Variants in LPP observed in about 807,000 individuals in gnomAD.
LPP encodes the protein LIM domain containing preferred translocation partner in lipoma, also known as lipoma-preferred partner.
LPP carries 38 observed loss-of-function variants against 60.4 expected under a neutral mutation model. That is an observed-to-expected ratio of 0.63 (90% CI 0.49 to 0.83). The LOEUF (loss-of-function observed/expected upper bound fraction) is 0.83, where lower values mean the gene tolerates loss of function less well. Among genes scored for constraint, LPP ranks in the 40% least tolerant of loss-of-function variants. LPP has a pLI of 0.00. For synonymous variants in LPP, 328 were observed against 290.8 expected (o/e 1.13, Z -1.30); for missense variants, 902 against 783.6 (o/e 1.15, Z -1.80).
At chr3:188,239,185 C>T (rs1164605427) in intron 2 of LPP, among the ~76,000 whole-genome samples, 1 of 152,230 alleles carries the variant, frequency 6.6e-6, no homozygotes, top group African/African-American at 2.4e-5. Context: ...TTTCTCTGCC[C>T]CTGCGGCAGG....
rs975594767 is a variant in LPP at position 188,583,991 on chromosome 3, T to C, written c.430-25170T>C. 2.0e-5 allele frequency among the ~76,000 whole-genome samples: 3 copies of C among 152,212 alleles called. No homozygotes were observed. The South Asian group carries it at 6.2e-4, about 31-fold the overall frequency. On this transcript the variant is annotated intron_variant, in intron 6 of 11. Transcript: ENST00000617246. ...CTTGGTTTCAGCAAAGCAACATTTCTATCCCTGCCCCCTGCTCCCCCATAA... is the reference window on the plus strand; with the variant it reads ...CTTGGTTTCAGCAAAGCAACATTTCCATCCCTGCCCCCTGCTCCCCCATAA...
At chr3:188,765,444 G>A (rs1324033243) in intron 9 of LPP, among the ~76,000 whole-genome samples, 1 of 152,234 alleles carries the variant, frequency 6.6e-6, no homozygotes, top group African/African-American at 2.4e-5. Context: ...GGGAAGTTAA[G>A]CATGTTACCC....
intron 2 of LPP, among the ~76,000 whole-genome samples, chr3:188,334,897 A>T (rs1761220332): frequency 6.6e-6 from 1 of 152,032 alleles, no homozygotes; most frequent in African/African-American, 2.4e-5. Context: ...GGGTTAGATG[A>T]TATCTCATGG....
At chr3:188,855,063 G>T (rs62289871) in intron 9 of LPP, among the ~76,000 whole-genome samples, 1 of 152,154 alleles carries the variant, frequency 6.6e-6, no homozygotes, top group Non-Finnish European at 1.5e-5. Context: ...CATTCTCCTG[G>T]ATGAGTTAGT....
At chr3:188,417,095 C>T (rs867774423) in intron 4 of LPP, among the ~76,000 whole-genome samples, 3 of 151,972 alleles carry the variant, frequency 2.0e-5, no homozygotes, top group African/African-American at 7.3e-5. Context: ...GCACCTGGGG[C>T]AGAGGAGTAT....
At chr3:188,863,422 T>C (rs1389235841) in intron 9 of LPP, among the ~76,000 whole-genome samples, 2 of 152,216 alleles carry the variant, frequency 1.3e-5, no homozygotes, top group African/African-American at 4.8e-5. Flanking sequence ...GTCCCACCTC[T>C]GCATCTCATG....
At position 188,433,648 on chromosome 3, in the gene LPP, G is replaced by A. The variant is rs569579805; in HGVS notation, c.193+27335G>A. Reference sequence around the variant, plus strand: ...AGAGAGGAGAAAGGAGAGAGAGAAGGAGGGAGAGAGAGGAAAGGGAGAAAG... The same window carrying A: ...AGAGAGGAGAAAGGAGAGAGAGAAGAAGGGAGAGAGAGGAAAGGGAGAAAG... On this transcript the variant is annotated intron_variant, in intron 4 of 11. Coordinates refer to ENST00000617246, the MANE Select transcript of LPP (RefSeq NM_001375462.1). 2.9e-4 allele frequency among the ~76,000 whole-genome samples: 43 copies of A among 149,412 alleles called. No individual in the cohort carries two copies. In the East Asian group the frequency reaches 6.9e-3, roughly 24 times the overall value.
intron 1 of LPP, among the ~76,000 whole-genome samples, chr3:188,163,572 A>C (rs1404601616): frequency 1.3e-5 from 2 of 152,120 alleles, no homozygotes; most frequent in African/African-American, 2.4e-5. Flanking sequence ...AATAATGTGC[A>C]TAAGGCCAGG....
At chr3:188,410,450 G>A (rs1157899596) in intron 4 of LPP, among the ~76,000 whole-genome samples, 1 of 152,036 alleles carries the variant, frequency 6.6e-6, no homozygotes, top group Non-Finnish European at 1.5e-5. Context: ...TATCTTTCTG[G>A]GGTACCCATA....
At position 188,847,486 on chromosome 3, in the gene LPP, T is replaced by C. The variant is rs115320613; in HGVS notation, c.1411-18714T>C. Reference sequence around the variant, plus strand: ...GAAAGAAGAGAAGGCTTTGGGAAGATGACAGTGTATTCAATGTGGCTTTTT... The same window carrying C: ...GAAAGAAGAGAAGGCTTTGGGAAGACGACAGTGTATTCAATGTGGCTTTTT... On this transcript the variant is annotated intron_variant, in intron 9 of 11. Transcript: ENST00000617246. 3.0e-3 allele frequency among the ~76,000 whole-genome samples: 452 copies of C among 152,358 alleles called. 2 individuals are homozygous for C. The highest frequency in any genetic ancestry group is 0.011 in the African/African-American group (445 of 41,590).
chr3:188,335,578 T>C (rs935352511), intron 2 of LPP, among the ~76,000 whole-genome samples: 5 of 152,212 alleles, frequency 3.3e-5, no homozygotes, highest in African/African-American at 9.6e-5. Flanking sequence ...ATTTATTCTT[T>C]TTTATTATGT....
At chr3:188,203,646 A>G (rs1166684392) in intron 1 of LPP, among the ~76,000 whole-genome samples, 3 of 124,976 alleles carry the variant, frequency 2.4e-5, no homozygotes, top group Non-Finnish European at 4.9e-5. Context: ...ATGTATATAT[A>G]TTTTTTCTCT....
chr3:188,244,735 A>G (rs1726265469), intron 2 of LPP, among the ~76,000 whole-genome samples: 1 of 152,058 alleles, frequency 6.6e-6, no homozygotes, highest in South Asian at 2.1e-4. Flanking sequence ...TGAGTAACCT[A>G]GGCTTTTAAA....
chr3:188,758,875 A>G (rs2150452381), intron 8 of LPP: 1 of 152,384 alleles, frequency 6.6e-6, no homozygotes, highest in South Asian at 2.1e-4. Flanking sequence ...TGAAATAGGC[A>G]TAATAACAGT....
Position 188,662,982 on chromosome 3 carries a change from A to G in LPP, c.1114-45285A>G, listed in dbSNP as rs181025220. Among the ~76,000 whole-genome samples the G allele has an allele frequency of 6.6e-5, 10 of 152,380 alleles. 2 individuals are homozygous for G. In the South Asian group the frequency reaches 1.2e-3, roughly 19 times the overall value. On this transcript the variant is annotated intron_variant, in intron 7 of 11. Transcript: ENST00000617246. ...AACACAGTCAGCTTGCAAGAATAGTATGTTATCTGAATTTAATGAACTTCT... is the reference window on the plus strand; with the variant it reads ...AACACAGTCAGCTTGCAAGAATAGTGTGTTATCTGAATTTAATGAACTTCT...
chr3:188,788,354 C>G (rs1274311560), intron 9 of LPP, among the ~76,000 whole-genome samples: 1 of 152,142 alleles, frequency 6.6e-6, no homozygotes, highest in Non-Finnish European at 1.5e-5. Context: ...AACACTTGTC[C>G]TTGATGGAAT....
chr3:188,657,256 GTGTATA>G (rs1853425640), intron 7 of LPP, among the ~76,000 whole-genome samples: 1 of 5,784 alleles, frequency 1.7e-4, no homozygotes, highest in African/African-American at 5.6e-4. Context: ...AGCTGTCAAG[GTGTATA>G]TATATATATA....
At chr3:188,643,207 GAA>G (rs2148834407) in intron 7 of LPP, among the ~76,000 whole-genome samples, 1 of 152,302 alleles carries the variant, frequency 6.6e-6, no homozygotes, top group East Asian at 1.9e-4. Context: ...TTTCAGAGAT[GAA>G]AGTTGTACCC....
rs565435961 is a variant in LPP at position 188,389,803 on chromosome 3, C to T, written c.-9-16309C>T. 1.1e-4 allele frequency among the ~76,000 whole-genome samples: 13 copies of T among 122,888 alleles called. No individual in the cohort carries two copies. The East Asian group carries it at 2.4e-3, about 22-fold the overall frequency. The allele number at this position is 122,888 out of a possible 152,430, so 80.6% of individuals were successfully genotyped here. A position where few individuals can be genotyped will look rare whatever the true frequency, so the allele number is the denominator to read the frequency against. The stretch of plus-strand genomic sequence containing the variant: ...AAAAAAAAAAAAAAAAATGGGACTC[C>T]GTCTCAAAAAAAAAAAGAAAAGAAA... On this transcript the variant is annotated intron_variant, in intron 3 of 11. Transcript: ENST00000617246.
Sources: gnomAD v4.1 joint callset for allele counts (sites outside exome capture counted in the v4.1 genomes callset) on GRCh38, gnomAD v4.1.1 for gene constraint, MANE v1.5 for transcripts, NCBI Gene and HGNC (gene_info 2026-07-23, HGNC 2026-07-21) for gene names.